Variants in PALB2 observed in about 807,000 individuals in gnomAD.
PALB2 encodes mutant partner and localizer of BRCA2.
A neutral mutation model predicts 107.4 loss-of-function variants in PALB2; 82 were observed. The observed-to-expected ratio is 0.76, with a 90% confidence interval of 0.64 to 0.92. PALB2 has a LOEUF of 0.92. Among genes scored for constraint, PALB2 ranks in the 40% least tolerant of loss-of-function variants. The pLI, the probability that PALB2 is intolerant of heterozygous loss-of-function variation, is 0.00. For missense variants in PALB2, 1,374 were observed against 1,379.9 expected (o/e 1.00, Z 0.07); for synonymous variants, 489 against 496.8 (o/e 0.98, Z 0.21).
At chr16:23,631,300 A>AT (rs1966875397) in intron 4 of PALB2, among the ~76,000 whole-genome samples, 1 of 149,072 alleles carries the variant, frequency 6.7e-6, no homozygotes, top group Admixed American at 6.7e-5. Context: ...AAAAAAAAAA[A>AT]AAAAACTAAA....
chr16:23,640,835 G>T, intron 1 of PALB2: 1 of 403,786 alleles, frequency 2.5e-6, no homozygotes. Context: ...GGTGTGGGAG[G>T]GGGGAGGAGC....
intron 4 of PALB2, among the ~76,000 whole-genome samples, chr16:23,633,916 C>T (rs1442288400): frequency 6.6e-6 from 1 of 151,952 alleles, no homozygotes; most frequent in Non-Finnish European, 1.5e-5. Context: ...ATCATTTTAC[C>T]CAAGCTGGTC....
At chr16:23,633,178 T>C (rs1966902685) in intron 4 of PALB2, among the ~76,000 whole-genome samples, 1 of 152,230 alleles carries the variant, frequency 6.6e-6, no homozygotes, top group South Asian at 2.1e-4. Context: ...TGTATCCTTG[T>C]TCGCTTAAAA....
intron 12 of PALB2, 47 bp downstream of exon 12, chr16:23,607,817 G>A (rs2142270514): frequency 6.2e-7 from 1 of 1,607,454 alleles, no homozygotes; most frequent in Non-Finnish European, 8.5e-7. Context: ...TTTGCACAGT[G>A]CCTTTCAGAA....
Position 23,629,837 on chromosome 16 carries a change from T to G in PALB2, c.2317A>C (p.Thr773Pro), listed in dbSNP as rs1567217632. The change falls in exon 5 of 13, where the codon ACT becomes CCT. Residue 773 changes from threonine to proline, a missense_variant. Transcript: ENST00000261584. ...CTGCCTGAACTGTCGAATTGTTTAGTATCACTGGCAAGACAGACTGAGTCT... is the reference window on the plus strand; with the variant it reads ...CTGCCTGAACTGTCGAATTGTTTAGGATCACTGGCAAGACAGACTGAGTCT... ...LKDSVCLASD[T>P]KQFDSSGSPA... The G allele has an allele frequency of 6.2e-7, 1 of 1,614,208 alleles. No individual in the cohort carries two copies. Among genetic ancestry groups the G allele is most frequent in the Non-Finnish European group, 8.5e-7 (1 of 1,180,034 alleles).
intron 11 of PALB2, among the ~76,000 whole-genome samples, chr16:23,609,906 G>A (rs761994487): frequency 3.9e-5 from 6 of 151,948 alleles, no homozygotes; most frequent in South Asian, 2.1e-4. Context: ...TTGAATTCCT[G>A]GCCTCAAGCA....
At position 23,629,675 on chromosome 16, in the gene PALB2, T is replaced by C. The variant is rs1324538307; in HGVS notation, c.2479A>G (p.Thr827Ala). The part of the protein sequence containing the change: ...TFKENQLCRN[T>A]CQELHKHSVE... The stretch of plus-strand genomic sequence containing the variant: ...GAATGTTTATGCAGCTCCTGGCATG[T>C]GTTTCTACAGAGCTGATTTTCTTTA... Residue 827 changes from threonine (T) to alanine (A), a missense_variant, in exon 5 of 13, where the codon ACA becomes GCA. By Grantham distance (58) the Thr-to-Ala change is moderately conservative (BLOSUM62 0). Transcript: ENST00000261584. 6.2e-7 allele frequency: 1 copy of C among 1,614,126 alleles called. No homozygotes were observed. The highest frequency in any genetic ancestry group is 2.2e-5 in the East Asian group (1 of 44,904).
chr16:23,631,662 T>G (rs1966879099), intron 4 of PALB2, among the ~76,000 whole-genome samples: 1 of 152,194 alleles, frequency 6.6e-6, no homozygotes, highest in Admixed American at 6.5e-5. Context: ...GGCAAATCGA[T>G]TTATTTCATT....
At chr16:23,638,579 G>A (rs938425742) in intron 1 of PALB2, 2 of 456,320 alleles carry the variant, frequency 4.4e-6, no homozygotes, top group East Asian at 6.9e-5. Context: ...TAATGGTCCA[G>A]GTATCTCTAG....
In PALB2 at chr16:23,629,897, G is replaced by T. The variant is rs180177110; in HGVS notation, c.2257C>A (p.Arg753=). The change falls in exon 5 of 13, where the codon CGA becomes AGA. Residue 753 remains arginine (R), a synonymous_variant. Coordinates refer to ENST00000261584, the MANE Select transcript of PALB2 (RefSeq NM_024675.4). The part of the protein sequence containing the change: ...YEKASTEVAG[R]TCCTPQLAHL... ...GCAAGTTGGGGTGTGCAGCAAGTTC[G>T]TCCAGCAACTTCTGTAGATGCTTTT... 6.2e-7 allele frequency: 1 copy of T among 1,614,172 alleles called. No individual in the cohort carries two copies. Among genetic ancestry groups the T allele is most frequent in the South Asian group, 1.1e-5 (1 of 91,080 alleles).
chr16:23,634,851 T>C lies in PALB2; in HGVS notation c.1684+11A>G, dbSNP rs201368043. 60 of 1,610,028 alleles carry C rather than the reference T, an allele frequency of 3.7e-5. 1 individual carries two copies. The East Asian group carries it at 1.3e-3, about 36-fold the overall frequency. On this transcript the variant is annotated intron_variant, in intron 4 of 12. Coordinates refer to ENST00000261584, the MANE Select transcript of PALB2 (RefSeq NM_024675.4). ...ATCATCATCATCATCATCAAACACATCTTGATTTACCTTTCACTTGAATAA... is the reference window on the plus strand; with the variant it reads ...ATCATCATCATCATCATCAAACACACCTTGATTTACCTTTCACTTGAATAA...
At chr16:23,615,358 G>A (rs1966667102) in intron 10 of PALB2, among the ~76,000 whole-genome samples, 1 of 152,140 alleles carries the variant, frequency 6.6e-6, no homozygotes, top group African/African-American at 2.4e-5. Context: ...AAGCTGGAGT[G>A]TGGTGGCGTG....
chr16:23,604,001 C>T (rs1226562127), intron 12 of PALB2, among the ~76,000 whole-genome samples: 2 of 152,220 alleles, frequency 1.3e-5, no homozygotes, highest in Admixed American at 1.3e-4. Flanking sequence ...CCCTGACAGG[C>T]TCTCACCCCA....
intron 11 of PALB2, among the ~76,000 whole-genome samples, chr16:23,610,342 C>G (rs1435893112): frequency 7.1e-6 from 1 of 140,052 alleles, no homozygotes; most frequent in East Asian, 2.1e-4. Flanking sequence ...CAGAGACTTG[C>G]TTTTTCGCCA....
rs56828611 is a variant in PALB2 at position 23,610,599 on chromosome 16, G to A, written c.3202-2587C>T. The stretch of plus-strand genomic sequence containing the variant: ...TGGGATTACAGGTGTGAGCCACCAC[G>A]CCTGGCATTAAATATTATTTCTGAA... On this transcript the variant is annotated intron_variant, in intron 11 of 12. Transcript: ENST00000261584. Among the ~76,000 whole-genome samples the A allele has an allele frequency of 1.9e-3, 282 of 151,978 alleles. 1 individual carries two copies. The highest frequency in any genetic ancestry group is 6.4e-3 in the African/African-American group (264 of 41,472).
At chr16:23,619,846 C>T (rs1405032901) in intron 10 of PALB2, among the ~76,000 whole-genome samples, 1 of 152,030 alleles carries the variant, frequency 6.6e-6, no homozygotes, top group Non-Finnish European at 1.5e-5. Context: ...GTGGCGCAAT[C>T]TTGACTCACT....
chr16:23,604,661 G>A (rs1238304013), intron 12 of PALB2, among the ~76,000 whole-genome samples: 4 of 152,142 alleles, frequency 2.6e-5, no homozygotes, highest in Non-Finnish European at 4.4e-5. Context: ...AGCTACTCGG[G>A]AGGCTGAAGC....
At chr16:23,613,291 A>G (rs1405633226) in intron 11 of PALB2, among the ~76,000 whole-genome samples, 1 of 152,168 alleles carries the variant, frequency 6.6e-6, no homozygotes, top group East Asian at 1.9e-4. Flanking sequence ...AGCCAAGACT[A>G]TTAGTGCAAG....
chr16:23,634,938 C>A lies in PALB2; in HGVS notation c.1608G>T (p.Leu536=), dbSNP rs2142411271. The A allele has an allele frequency of 6.2e-7, 1 of 1,614,144 alleles. No individual in the cohort carries two copies. The highest frequency in any genetic ancestry group is 8.5e-7 in the Non-Finnish European group (1 of 1,180,042). Residue 536 remains leucine, a synonymous_variant, in exon 4 of 13, where the codon CTG becomes CTT. Coordinates refer to ENST00000261584, the MANE Select transcript of PALB2 (RefSeq NM_024675.4). The stretch of plus-strand genomic sequence containing the variant: ...CTTCCTTGGACCTGTTAACAATCGA[C>A]AGGCTAGAAGTTGGCAAAAGTGGTT... ...HCEPLLPTSS[L]SIVNRSKEEV... is the part of the protein sequence containing the mutation.
Sources: allele counts gnomAD v4.1 joint callset (sites outside exome capture counted in the v4.1 genomes callset), GRCh38; gene constraint gnomAD v4.1.1; transcripts MANE v1.5; gene names NCBI Gene and HGNC (gene_info 2026-07-23, HGNC 2026-07-21).